The following ZFHX3 variants were observed in gnomAD, a reference collection of about 807,000 sequenced individuals.
ZFHX3 encodes the protein zinc finger homeobox protein 3.
ZFHX3 carries 42 observed loss-of-function variants against 279.1 expected under a neutral mutation model. The observed-to-expected ratio is 0.15, with a 90% CI of 0.12 to 0.19. The LOEUF is 0.19. Among genes scored for constraint, ZFHX3 ranks in the 10% least tolerant of loss-of-function variants. The probability of loss-of-function intolerance (pLI) is 1.00; values close to 1 mark genes in which losing one functional copy is unlikely to be tolerated. For missense variants in ZFHX3, 4,981 were observed against 4,754.0 expected, an observed-to-expected ratio of 1.05 and a Z score of -1.40; for synonymous variants, 2,293 against 1,957.8, an observed-to-expected ratio of 1.17 and a Z score of -4.52.
rs1459330145 is a variant in ZFHX3 at position 72,786,401 on chromosome 16, GTGTGTGGGTTATTAT to G, written c.*748_*762del. 6.6e-6 allele frequency: 1 copy of G among 150,418 alleles called. No individual in the cohort carries two copies. Among genetic ancestry groups the G allele is most frequent in the African/African-American group, 2.4e-5 (1 of 40,860 alleles). The allele number at this position is 150,418 out of a possible 1,614,324, so 9.3% of individuals were successfully genotyped here. ...GCTACAAGTCCTCAACACTCTTTGTGTGTGTGGGTTATTATTTTTTTTTTTTTTTGAAAGTGGGAG... is the reference window on the plus strand; with the variant it reads ...GCTACAAGTCCTCAACACTCTTTGTGTTTTTTTTTTTTTTGAAAGTGGGAG... On this transcript the variant is annotated 3_prime_UTR_variant, in exon 10 of 10. Coordinates refer to ENST00000268489, the MANE Select transcript of ZFHX3 (RefSeq NM_006885.4).
intron 1 of ZFHX3, among the ~76,000 whole-genome samples, chr16:73,016,642 T>C (rs565550953): frequency 1.3e-5 from 2 of 152,268 alleles, no homozygotes; most frequent in East Asian, 3.9e-4. Context: ...TGTCACCATA[T>C]GACTAATTTA....
At chr16:73,790,445 T>C (rs1156673654) in intron 1 of ZFHX3, among the ~76,000 whole-genome samples, 1 of 152,214 alleles carries the variant, frequency 6.6e-6, no homozygotes, top group Non-Finnish European at 1.5e-5. Context: ...TCTTGTAAAA[T>C]GTGAAAAGGT....
intron 4 of ZFHX3, among the ~76,000 whole-genome samples, chr16:72,867,494 C>G (rs978953420): frequency 1.3e-5 from 2 of 152,200 alleles, no homozygotes; most frequent in African/African-American, 4.8e-5. Context: ...ATACCAAAAT[C>G]TAAGACTGTA....
intron 2 of ZFHX3, among the ~76,000 whole-genome samples, chr16:73,526,429 A>C (rs1342553292): frequency 6.6e-6 from 1 of 152,086 alleles, no homozygotes. Flanking sequence ...CACCCTGTTC[A>C]CCCCACAAAA....
intron 2 of ZFHX3, among the ~76,000 whole-genome samples, chr16:73,543,341 C>T (rs576847729): frequency 4.6e-5 from 7 of 152,304 alleles, no homozygotes; most frequent in Admixed American, 1.3e-4. Flanking sequence ...CAGTACTCAA[C>T]TTGCCAGGCC....
intron 4 of ZFHX3, among the ~76,000 whole-genome samples, chr16:72,884,131 C>A (rs1176086678): frequency 6.6e-6 from 1 of 152,134 alleles, no homozygotes; most frequent in Non-Finnish European, 1.5e-5. Context: ...TATTCTTGGT[C>A]TCTTAACTCT....
intron 2 of ZFHX3, among the ~76,000 whole-genome samples, chr16:73,654,884 A>T (rs2052708272): frequency 7.9e-6 from 1 of 126,276 alleles, no homozygotes; most frequent in Non-Finnish European, 1.6e-5. Context: ...TTTTTGAGAC[A>T]GAGTCTCACT....
chr16:73,748,164 T>C (rs940547395), intron 1 of ZFHX3, among the ~76,000 whole-genome samples: 2 of 152,048 alleles, frequency 1.3e-5, no homozygotes, highest in African/African-American at 4.8e-5. Flanking sequence ...ATCAATGAAA[T>C]GGAAAAAGAT....
chr16:73,699,747 G>A (rs2053229833), intron 1 of ZFHX3, among the ~76,000 whole-genome samples: 1 of 152,088 alleles, frequency 6.6e-6, no homozygotes, highest in South Asian at 2.1e-4. Context: ...AGTTCCCCAG[G>A]TGGTACCTCT....
At chr16:73,253,832 T>C (rs1749993375) in intron 5 of ZFHX3, among the ~76,000 whole-genome samples, 1 of 152,024 alleles carries the variant, frequency 6.6e-6, no homozygotes, top group Admixed American at 6.6e-5. Flanking sequence ...GTCACTCTGG[T>C]TTGGGAGATT....
At chr16:73,606,774 C>A (rs2052188914) in intron 2 of ZFHX3, among the ~76,000 whole-genome samples, 1 of 152,082 alleles carries the variant, frequency 6.6e-6, no homozygotes. Flanking sequence ...GTTGTTTCCC[C>A]ACATGTGTCC....
intron 2 of ZFHX3, among the ~76,000 whole-genome samples, chr16:73,642,226 T>C (rs2052580008): frequency 6.6e-6 from 1 of 152,220 alleles, no homozygotes; most frequent in African/African-American, 2.4e-5. Flanking sequence ...CGATTCCTAC[T>C]CTACGATGGA....
intron 1 of ZFHX3, among the ~76,000 whole-genome samples, chr16:73,758,147 G>A (rs1458957923): frequency 6.6e-6 from 1 of 151,990 alleles, no homozygotes; most frequent in African/African-American, 2.4e-5. Context: ...TTCCCAAAGG[G>A]GCCCATTCCA....
At chr16:72,882,444 G>C (rs1235656029) in intron 4 of ZFHX3, among the ~76,000 whole-genome samples, 1 of 152,178 alleles carries the variant, frequency 6.6e-6, no homozygotes, top group Non-Finnish European at 1.5e-5. Context: ...ATGAATGGTG[G>C]ATCTAGAACA....
intron 2 of ZFHX3, among the ~76,000 whole-genome samples, chr16:73,650,353 A>G (rs190748563): frequency 6.6e-6 from 1 of 151,664 alleles, no homozygotes; most frequent in Admixed American, 6.6e-5. Context: ...AAAAAAAAAA[A>G]CAAAAACAAA....
At chr16:73,572,963 G>A (rs750055769) in intron 2 of ZFHX3, among the ~76,000 whole-genome samples, 1 of 152,132 alleles carries the variant, frequency 6.6e-6, no homozygotes, top group South Asian at 2.1e-4. Flanking sequence ...TACAAAACTA[G>A]CCACAAGACC....
At chr16:73,099,802 A>G (rs917867210) in intron 7 of ZFHX3, among the ~76,000 whole-genome samples, 4 of 151,966 alleles carry the variant, frequency 2.6e-5, no homozygotes, top group African/African-American at 9.7e-5. Context: ...GGAAGGAGAA[A>G]GCAGGAACAG....
In ZFHX3 at chr16:73,839,235, G is replaced by A. The variant is rs965548256; in HGVS notation, c.-1608+52416C>T. On this transcript the variant is annotated intron_variant, in intron 1 of 17. Transcript: ENST00000641206. ...AAATTAGCCGGGCATGGTGGCGGGC[G>A]CCTGTATTCCCAGCTACTTGGGAGG... Among the ~76,000 whole-genome samples, 44 of 149,052 alleles carry A rather than the reference G, an allele frequency of 3.0e-4. 1 individual carries two copies. The highest frequency in any genetic ancestry group is 8.9e-5 in the Non-Finnish European group (6 of 67,508).
chr16:73,741,543 C>T (rs1250617912), intron 1 of ZFHX3, among the ~76,000 whole-genome samples: 1 of 152,144 alleles, frequency 6.6e-6, no homozygotes, highest in East Asian at 1.9e-4. Flanking sequence ...TATTGTACTT[C>T]AGCCAACTCC....
Sources: allele counts gnomAD v4.1 joint callset (sites outside exome capture counted in the v4.1 genomes callset), GRCh38; gene constraint gnomAD v4.1.1; transcripts MANE v1.5; gene names NCBI Gene and HGNC (gene_info 2026-07-23, HGNC 2026-07-21).